PCDHA3: variants seen among roughly 807,000 people sequenced by gnomAD.
PCDHA3 encodes protocadherin alpha 3, also known as protocadherin alpha-3.
Under a neutral mutation model 62.2 loss-of-function variants are expected in PCDHA3, and 41 were observed. The observed-to-expected ratio is 0.66, with a 90% CI of 0.51 to 0.86. The LOEUF (loss-of-function observed/expected upper bound fraction) is 0.86. Ranked by LOEUF, PCDHA3 falls within the 40% of genes least tolerant of loss-of-function variation. The pLI is 0.00. For missense variants in PCDHA3, 1,304 were observed against 1,241.2 expected, an observed-to-expected ratio of 1.05 and a Z score of -0.76; for synonymous variants, 640 against 555.4, an observed-to-expected ratio of 1.15 and a Z score of -2.14.
rs2150255881 is a variant in PCDHA3, at chr5:140,836,226, G to T, written c.2394+32635G>T. 193 of 1,613,826 alleles carry T rather than the reference G, an allele frequency of 1.2e-4. 3 individuals carry two copies. The East Asian group carries it at 3.9e-3, about 32-fold the overall frequency. ...GCTTTCGTATGAGTTGCAACCGGTG[G>T]CGGCCGGTGCGAGCATCCCGTTCCG... On this transcript the variant is annotated intron_variant, in intron 1 of 3. Transcript: ENST00000522353.
rs1274715970 is a variant in PCDHA3, at chr5:140,849,195, G to A, written c.2394+45604G>A. ...CGTTCAATTACTCATCACGGTACTG[G>A]ACAACAATGACAATGCCCCAGTGTT... On this transcript the variant is annotated intron_variant, in intron 1 of 3. Coordinates refer to ENST00000522353, the MANE Select transcript of PCDHA3 (RefSeq NM_018906.3). The A allele has an allele frequency of 2.4e-5, 25 of 1,038,632 alleles. 3 individuals carry two copies. The highest frequency in any genetic ancestry group is 1.1e-4 in the Admixed American group (4 of 36,524). 64.3% of individuals were successfully genotyped at this position (1,038,632 alleles called of 1,614,324 possible).
chr5:140,976,244 A>G (rs996854178), intron 1 of PCDHA3, among the ~76,000 whole-genome samples: 1 of 152,160 alleles, frequency 6.6e-6, no homozygotes, highest in Non-Finnish European at 1.5e-5. Context: ...CATTTCATGT[A>G]AATTTATTTA....
chr5:140,923,247 T>G (rs1230824523), intron 1 of PCDHA3, among the ~76,000 whole-genome samples: 6 of 152,252 alleles, frequency 3.9e-5, no homozygotes, highest in African/African-American at 1.4e-4. Flanking sequence ...TGAGACCAGC[T>G]GGGCAACATA....
intron 1 of PCDHA3, among the ~76,000 whole-genome samples, chr5:140,880,167 G>A (rs1363011800): frequency 2.0e-5 from 3 of 152,160 alleles, no homozygotes; most frequent in African/African-American, 7.2e-5. Context: ...TATGTTAGAA[G>A]TTAAACATGA....
chr5:140,877,818 T>G (rs1207543793), intron 1 of PCDHA3: 3 of 1,608,774 alleles, frequency 1.9e-6, no homozygotes, highest in African/African-American at 2.7e-5. Context: ...CTCGAGAAGA[T>G]TGTTTAAATC....
chr5:140,835,722 G>T, intron 1 of PCDHA3: 1 of 1,613,846 alleles, frequency 6.2e-7, no homozygotes. Context: ...GGAGGTGGCC[G>T]ACGTGAACGA....
chr5:140,871,327 C>G (rs782093100), intron 1 of PCDHA3: 12 of 1,614,102 alleles, frequency 7.4e-6, no homozygotes, highest in Admixed American at 1.7e-5. Context: ...GGTGTGCTCC[C>G]GCGCGGTGGG....
At chr5:140,870,561 C>T (rs544569992) in intron 1 of PCDHA3, 6 of 1,614,010 alleles carry the variant, frequency 3.7e-6, no homozygotes, top group African/African-American at 1.3e-5. Flanking sequence ...CGCAGGAGAA[C>T]GCGCTGGTGT....
intron 1 of PCDHA3, among the ~76,000 whole-genome samples, chr5:140,977,658 T>C (rs1332848343): frequency 6.6e-6 from 1 of 152,192 alleles, no homozygotes; most frequent in African/African-American, 2.4e-5. Context: ...TTTGGCTAAT[T>C]CTCTGCATGC....
At chr5:140,884,239 C>A (rs781996098) in intron 1 of PCDHA3, 1 of 1,613,424 alleles carries the variant, frequency 6.2e-7, no homozygotes, top group South Asian at 1.1e-5. Flanking sequence ...ACGGTGAGCC[C>A]GCGCTGACGG....
intron 1 of PCDHA3, among the ~76,000 whole-genome samples, chr5:140,965,664 ATAAATG>A (rs1251201552): frequency 1.3e-5 from 2 of 152,254 alleles, no homozygotes; most frequent in Non-Finnish European, 2.9e-5. Flanking sequence ...GTCTTGGGTG[ATAAATG>A]TAAAAGATTT....
chr5:140,927,972 T>C, intron 1 of PCDHA3: 1 of 1,614,190 alleles, frequency 6.2e-7, no homozygotes, highest in Non-Finnish European at 8.5e-7. Context: ...CAGTGATTGC[T>C]CTCTTTAGTG....
At chr5:140,950,080 C>G (rs528804395) in intron 1 of PCDHA3, among the ~76,000 whole-genome samples, 2 of 151,836 alleles carry the variant, frequency 1.3e-5, no homozygotes, top group Admixed American at 1.3e-4. Context: ...ATTGCTTATG[C>G]TATAGTTTTC....
Position 140,853,221 on chromosome 5 carries a change from G to A in PCDHA3, c.2394+49630G>A, listed in dbSNP as rs1021063668. 12 of 983,626 alleles carry A rather than the reference G, an allele frequency of 1.2e-5. 1 individual carries two copies. The highest frequency in any genetic ancestry group is 1.5e-5 in the Non-Finnish European group (12 of 816,248). The allele number at this position is 983,626 out of a possible 1,614,324, so 60.9% of individuals were successfully genotyped here. A position where few individuals can be genotyped will look rare whatever the true frequency, so the allele number is the denominator to read the frequency against. On this transcript the variant is annotated intron_variant, in intron 1 of 3. Transcript: ENST00000522353. ...TATTGACGGCTGTATTGATGGGATT[G>A]GTAATTTAGTCCTTCATATTAATCT...
At chr5:140,850,455 C>T (rs2150484906) in intron 1 of PCDHA3, 1 of 1,597,620 alleles carries the variant, frequency 6.3e-7, no homozygotes, top group Admixed American at 1.7e-5. Context: ...GGTGAAAGAC[C>T]ACGGGGAGCC....
Position 140,843,491 on chromosome 5 carries a change from T to C in PCDHA3, c.2394+39900T>C, listed in dbSNP as rs2150361204. 8 of 1,595,956 alleles carry C rather than the reference T, an allele frequency of 5.0e-6. 1 individual carries two copies. Among genetic ancestry groups the C allele is most frequent in the South Asian group, 1.1e-5 (1 of 90,486 alleles). On this transcript the variant is annotated intron_variant, in intron 1 of 3. Transcript: ENST00000522353. Reference sequence around the variant, plus strand: ...GCTGCTGTACACTGCGCTGCGGTGCTCAGCACTGCCCACTGAGGGCGGGTG... The same window carrying C: ...GCTGCTGTACACTGCGCTGCGGTGCCCAGCACTGCCCACTGAGGGCGGGTG...
chr5:140,977,872 T>A (rs1554238851), intron 1 of PCDHA3, among the ~76,000 whole-genome samples: 1 of 152,258 alleles, frequency 6.6e-6, no homozygotes, highest in African/African-American at 2.4e-5. Flanking sequence ...ATGGTAAGTA[T>A]AATGTAGAGG....
At chr5:140,812,240 A>G (rs1765070291) in intron 1 of PCDHA3, 1 of 151,674 alleles carries the variant, frequency 6.6e-6, no homozygotes, top group African/African-American at 2.4e-5. Context: ...ATGTCTTGGT[A>G]GTTTGTATGT....
chr5:140,940,158 C>T (rs1159450232), intron 1 of PCDHA3, among the ~76,000 whole-genome samples: 3 of 151,970 alleles, frequency 2.0e-5, no homozygotes, highest in African/African-American at 7.3e-5. Context: ...TTTTTGTTTG[C>T]CTGAAATGTC....
Sources: allele counts gnomAD v4.1 joint callset (sites outside exome capture counted in the v4.1 genomes callset), GRCh38; gene constraint gnomAD v4.1.1; transcripts MANE v1.5; gene names NCBI Gene and HGNC (gene_info 2026-07-23, HGNC 2026-07-21).